CAGE1: variants seen among roughly 807,000 people sequenced by gnomAD.
CAGE1 encodes cancer-associated gene 1 protein.
A neutral mutation model predicts 94.9 loss-of-function variants in CAGE1; 66 were observed. The observed-to-expected ratio is 0.70, with a 90% CI of 0.57 to 0.85. The LOEUF (loss-of-function observed/expected upper bound fraction) is 0.85. Ranked by LOEUF, CAGE1 falls within the 40% of genes least tolerant of loss-of-function variation. CAGE1 has a pLI of 0.00. For synonymous variants in CAGE1, 319 were observed against 321.0 expected (o/e 0.99, Z 0.07); for missense variants, 865 against 950.4 (o/e 0.91, Z 1.18).
intron 11 of CAGE1, 135 bp downstream of exon 11, chr6:7,354,906 T>G (rs1289955086): frequency 1.6e-6 from 1 of 609,266 alleles, no homozygotes; most frequent in Non-Finnish European, 2.9e-6. Context: ...ATACCTATAT[T>G]AATAAAGAAT....
intron 11 of CAGE1, chr6:7,341,646 C>G: frequency 1.4e-6 from 1 of 740,256 alleles, no homozygotes; most frequent in Non-Finnish European, 2.5e-6. Flanking sequence ...TGATCTCACT[C>G]TCCAGGTGGA....
intron 12 of CAGE1, among the ~76,000 whole-genome samples, chr6:7,333,671 T>C (rs34118233): frequency 1.1e-5 from 1 of 91,612 alleles, no homozygotes; most frequent in Non-Finnish European, 2.0e-5. Context: ...TATATATATA[T>C]ATACATTTTT....
intron 11 of CAGE1, among the ~76,000 whole-genome samples, chr6:7,344,412 G>A (rs1172931041): frequency 2.0e-5 from 3 of 152,242 alleles, no homozygotes; most frequent in Non-Finnish European, 2.9e-5. Flanking sequence ...CAGCCCACCG[G>A]CGCTGTGCTC....
chr6:7,370,018 A>C lies in CAGE1; in HGVS notation c.1794T>G (p.Cys598Trp). 1 of 1,613,632 alleles carries C rather than the reference A, an allele frequency of 6.2e-7. No individual in the cohort carries two copies. Among genetic ancestry groups the C allele is most frequent in the Non-Finnish European group, 8.5e-7 (1 of 1,179,718 alleles). Reference protein sequence around the residue: ...HSNLLPDCSPCEERLNPADIK... With the variant: ...HSNLLPDCSPWEERLNPADIK... Reference sequence around the variant, plus strand: ...TATCTGCAGGATTCAGCCTCTCTTCACAAGGTGAGCAATCCGGGAGCAGAT... The same window carrying C: ...TATCTGCAGGATTCAGCCTCTCTTCCCAAGGTGAGCAATCCGGGAGCAGAT... Residue 598 changes from cysteine to tryptophan, a missense_variant, in exon 6 of 14, where the codon TGT becomes TGG. Cys to Trp is a radical substitution (Grantham distance 215, BLOSUM62 -2). Transcript: ENST00000502583.
chr6:7,376,163 G>A (rs1361575521), intron 4 of CAGE1, among the ~76,000 whole-genome samples: 1 of 152,142 alleles, frequency 6.6e-6, no homozygotes, highest in African/African-American at 2.4e-5. Flanking sequence ...GCCGAGGCAG[G>A]TGGATCGCAA....
intron 9 of CAGE1, among the ~76,000 whole-genome samples, chr6:7,361,842 T>G (rs534943634): frequency 3.7e-4 from 56 of 152,290 alleles, no homozygotes; most frequent in African/African-American, 1.2e-3. Flanking sequence ...AATGTAAGAT[T>G]CCATCTGGCT....
chr6:7,344,516 C>G (rs1759343070), intron 11 of CAGE1, among the ~76,000 whole-genome samples: 3 of 152,244 alleles, frequency 2.0e-5, no homozygotes. Flanking sequence ...CCATGAGCTC[C>G]TGTGCGGCCC....
rs1759099458 is a variant in CAGE1, at chr6:7,339,749, A to T, written c.2370-5659T>A. 6.6e-6 allele frequency among the ~76,000 whole-genome samples: 1 copy of T among 152,202 alleles called. No homozygotes were observed. The highest frequency in any genetic ancestry group is 2.1e-4 in the South Asian group (1 of 4,828). On this transcript the variant is annotated intron_variant, in intron 11 of 13. Transcript: ENST00000502583. The surrounding 1 kb of genome is among the most constrained non-coding windows in gnomAD (Gnocchi z 4.7). The stretch of plus-strand genomic sequence containing the variant: ...AAGTTGCTGTGAATGCCATTATTTC[A>T]TTCCTTTTTATGGCTGAATAGCATT...
intron 11 of CAGE1, among the ~76,000 whole-genome samples, chr6:7,349,497 A>G (rs1173424103): frequency 6.6e-6 from 1 of 152,184 alleles, no homozygotes; most frequent in African/African-American, 2.4e-5. Context: ...AAACAAAAAT[A>G]CAATTTAAAA....
intron 1 of CAGE1, among the ~76,000 whole-genome samples, chr6:7,387,930 A>G (rs1219040493): frequency 7.0e-5 from 10 of 143,232 alleles, no homozygotes. Context: ...GCTACTCTGG[A>G]GGCTGAGGGA....
In CAGE1 at chr6:7,373,712, G is replaced by A. The variant is rs751950015; in HGVS notation, c.1107C>T (p.Tyr369=). The A allele has an allele frequency of 1.9e-6, 3 of 1,612,352 alleles. No individual in the cohort carries two copies. Among genetic ancestry groups the A allele is most frequent in the South Asian group, 1.1e-5 (1 of 91,014 alleles). Residue 369 remains tyrosine, a synonymous_variant, in exon 5 of 14, where the codon TAC becomes TAT. Coordinates refer to ENST00000502583, the MANE Select transcript of CAGE1 (RefSeq NM_001170692.2). ...ENVEELIEDK[Y]KIILEKNDTK... ...TATCATTCTTCTCTAGGATTATTTT[G>A]TATTTGTCTTCAATTAATTCTTCAA... is the stretch of plus-strand genomic sequence containing the variant.
rs767765636 is a variant in CAGE1 at position 7,373,751 on chromosome 6, C to T, written c.1068G>A (p.Lys356=). The T allele has an allele frequency of 2.6e-5, 42 of 1,613,256 alleles. No homozygotes were observed. The highest frequency in any genetic ancestry group is 3.6e-5 in the Non-Finnish European group (42 of 1,179,486). ...KQQVFIDVIN[K]LKENVEELIE... is the part of the protein sequence containing the mutation. ...TTAATTCTTCAACATTCTCCTTTAGCTTATTGATGACATCAATGAACACTT... is the reference window on the plus strand; with the variant it reads ...TTAATTCTTCAACATTCTCCTTTAGTTTATTGATGACATCAATGAACACTT... Residue 356 remains lysine (K), a synonymous_variant, in exon 5 of 14, where the codon AAG becomes AAA. Coordinates refer to ENST00000502583, the MANE Select transcript of CAGE1 (RefSeq NM_001170692.2).
intron 11 of CAGE1, among the ~76,000 whole-genome samples, chr6:7,345,105 T>G (rs995001311): frequency 1.7e-4 from 26 of 151,764 alleles, no homozygotes; most frequent in African/African-American, 6.1e-4. Context: ...TCTTAACTCT[T>G]GTTGCTGTTT....
chr6:7,388,524 G>C (rs1761214864), intron 1 of CAGE1, among the ~76,000 whole-genome samples: 1 of 152,092 alleles, frequency 6.6e-6, no homozygotes, highest in African/African-American at 2.4e-5. Flanking sequence ...AGCATACTTA[G>C]GGCTTTCCAA....
At chr6:7,329,233 T>C in intron 13 of CAGE1, 2 of 402,560 alleles carry the variant, frequency 5.0e-6, no homozygotes, top group South Asian at 9.8e-5. Flanking sequence ...GCGCCCAGCC[T>C]GTATCCTATA....
intron 6 of CAGE1, among the ~76,000 whole-genome samples, 191 bp from the exon 7 acceptor site, chr6:7,368,989 G>T (rs541815182): frequency 2.7e-5 from 4 of 149,696 alleles, no homozygotes; most frequent in Admixed American, 1.4e-4. Flanking sequence ...AGTACAGAAA[G>T]ATTTCATTTT....
At chr6:7,376,319 G>A (rs1760741031) in intron 4 of CAGE1, among the ~76,000 whole-genome samples, 4 of 151,968 alleles carry the variant, frequency 2.6e-5, no homozygotes, top group Admixed American at 2.0e-4. Flanking sequence ...AACCCGGGAG[G>A]CGGAGGTTGC....
intron 3 of CAGE1, among the ~76,000 whole-genome samples, chr6:7,381,555 CAG>C (rs1760932370): frequency 7.0e-6 from 1 of 143,862 alleles, no homozygotes; most frequent in African/African-American, 2.5e-5. Context: ...TTTTTTGAGA[CAG>C]AGTCTCTGTC....
In CAGE1 at chr6:7,362,048, G is replaced by A. The variant is rs545799465; in HGVS notation, c.2193+3420C>T. On this transcript the variant is annotated intron_variant, in intron 9 of 13. Transcript: ENST00000502583. The surrounding 1 kb of genome is among the most constrained non-coding windows in gnomAD (Gnocchi z 4.1). ...TACTGGGCTTTGATTGTTTTCTTTTGGCTCACTTGGAAAATTTTTCCTAAA... is the reference window on the plus strand; with the variant it reads ...TACTGGGCTTTGATTGTTTTCTTTTAGCTCACTTGGAAAATTTTTCCTAAA... 6.6e-6 allele frequency among the ~76,000 whole-genome samples: 1 copy of A among 152,242 alleles called. No homozygotes were observed. The highest frequency in any genetic ancestry group is 1.9e-4 in the East Asian group (1 of 5,176).
Sources: allele counts gnomAD v4.1 joint callset (sites outside exome capture counted in the v4.1 genomes callset), GRCh38; gene constraint gnomAD v4.1.1; non-coding constraint Gnocchi (gnomAD v3.1); transcripts MANE v1.5; gene names NCBI Gene and HGNC (gene_info 2026-07-23, HGNC 2026-07-21).